Variants in EIF2AK4 observed in about 807,000 individuals in gnomAD.
EIF2AK4 encodes the protein eukaryotic translation initiation factor 2 alpha kinase 4, also known as eIF-2-alpha kinase GCN2.
In EIF2AK4, 139 loss-of-function variants were observed where a neutral mutation model predicts 211.1. The observed-to-expected ratio is 0.66, with a 90% CI of 0.57 to 0.76. The LOEUF (loss-of-function observed/expected upper bound fraction) is 0.76. Among genes scored for constraint, EIF2AK4 ranks in the 30% least tolerant of loss-of-function variants. The pLI is 0.00. For missense variants in EIF2AK4, 1,664 were observed against 2,043.8 expected (o/e 0.81, Z 3.58); for synonymous variants, 710 against 751.3 (o/e 0.94, Z 0.90).
In EIF2AK4 at chr15:39,973,759, AG is replaced by A; in HGVS notation, c.1818+11del. On this transcript the variant is annotated intron_variant, in intron 11 of 38. Transcript: ENST00000263791. ...TGGAGCTGTCATCAAGGTGTGGTACAGAGTCATTCCCAGTCCCCTTTAGAGC... is the reference window on the plus strand; with the variant it reads ...TGGAGCTGTCATCAAGGTGTGGTACAAGTCATTCCCAGTCCCCTTTAGAGC... The A allele has an allele frequency of 1.9e-6, 3 of 1,613,966 alleles. No homozygotes were observed. Among genetic ancestry groups the A allele is most frequent in the Non-Finnish European group, 2.5e-6 (3 of 1,179,884 alleles).
chr15:39,979,429 C>G (rs537821986), intron 13 of EIF2AK4, among the ~76,000 whole-genome samples: 2 of 152,244 alleles, frequency 1.3e-5, no homozygotes, highest in Non-Finnish European at 2.9e-5. Flanking sequence ...TTTACTTTGT[C>G]CAGATTAAGA....
intron 15 of EIF2AK4, 115 bp downstream of exon 15, chr15:39,988,220 A>G (rs1159724547): frequency 9.2e-7 from 1 of 1,084,340 alleles, no homozygotes; most frequent in Non-Finnish European, 1.3e-6. Flanking sequence ...AGCTATGGGT[A>G]TATTGACATA....
chr15:39,993,109 C>T (rs2034971159), intron 18 of EIF2AK4, among the ~76,000 whole-genome samples: 1 of 151,016 alleles, frequency 6.6e-6, no homozygotes, highest in Non-Finnish European at 1.5e-5. Flanking sequence ...TCCATCCACC[C>T]ACCCATCCAC....
chr15:39,973,756 TAC>T lies in EIF2AK4; in HGVS notation c.1818+9_1818+10del. On this transcript the variant is annotated splice_region_variant and intron_variant, in intron 11 of 38. Coordinates refer to ENST00000263791, the MANE Select transcript of EIF2AK4 (RefSeq NM_001013703.4). ...TTTTGGAGCTGTCATCAAGGTGTGGTACAGAGTCATTCCCAGTCCCCTTTAGA... is the reference window on the plus strand; with the variant it reads ...TTTTGGAGCTGTCATCAAGGTGTGGTAGAGTCATTCCCAGTCCCCTTTAGA... 1 of 1,614,020 alleles carries T rather than the reference TAC, an allele frequency of 6.2e-7. No homozygotes were observed.
intron 23 of EIF2AK4, among the ~76,000 whole-genome samples, chr15:40,006,083 C>G (rs906184173): frequency 2.6e-5 from 4 of 152,052 alleles, no homozygotes; most frequent in African/African-American, 9.7e-5. Flanking sequence ...AGTAAGGTGT[C>G]AAAGAATACA....
intron 22 of EIF2AK4, 146 bp from the exon 23 acceptor site, chr15:40,003,047 A>G: frequency 8.0e-7 from 1 of 1,246,234 alleles, no homozygotes; most frequent in Non-Finnish European, 1.1e-6. Context: ...CTCTCTATTT[A>G]TAAATTTAGA....
chr15:39,973,009 C>G lies in EIF2AK4; in HGVS notation c.1655C>G (p.Pro552Arg). The G allele has an allele frequency of 1.2e-6, 2 of 1,613,288 alleles. No individual in the cohort carries two copies. The highest frequency in any genetic ancestry group is 1.7e-6 in the Non-Finnish European group (2 of 1,179,272). Residue 552 changes from proline to arginine, a missense_variant, in exon 10 of 39, where the codon CCT (proline) becomes CGT (arginine). Around this residue, in one of 7 missense-constraint regions of EIF2AK4, gnomAD observed 641 missense variants for 729.6 expected, o/e 0.88. Transcript: ENST00000263791. ...QPKMPLVEQS[P>R]EDSEGQDYVE... ...AAAATGCCTCTAGTGGAACAAAGTC[C>G]TGAAGGTGAGTCTGTTACCTTTCTT...
At position 39,982,297 on chromosome 15, in the gene EIF2AK4, A is replaced by C. The variant is rs554800778; in HGVS notation, c.2320-3508A>C. On this transcript the variant is annotated intron_variant, in intron 13 of 38. Transcript: ENST00000263791. ...TCTGAACTAAGCCTACCACCAAAAA[A>C]TATGGAATTCCAGTAAAACTGAACC... Among the ~76,000 whole-genome samples the C allele has an allele frequency of 4.0e-3, 608 of 152,330 alleles. 1 individual carries two copies. The highest frequency in any genetic ancestry group is 6.0e-3 in the Non-Finnish European group (410 of 68,034).
At chr15:39,956,917 C>T (rs1044586395) in intron 6 of EIF2AK4, among the ~76,000 whole-genome samples, 7 of 152,110 alleles carry the variant, frequency 4.6e-5, no homozygotes, top group Non-Finnish European at 4.4e-5. Context: ...CCCTAATTAT[C>T]TACTACTAAA....
At chr15:39,959,929 C>A (rs1022872835) in intron 6 of EIF2AK4, among the ~76,000 whole-genome samples, 1 of 152,010 alleles carries the variant, frequency 6.6e-6, no homozygotes, top group Non-Finnish European at 1.5e-5. Context: ...TTTGGGAGGC[C>A]AAGGCGGGCA....
At chr15:40,031,547 ATC>A (rs902927979) in intron 35 of EIF2AK4, among the ~76,000 whole-genome samples, 6 of 151,840 alleles carry the variant, frequency 4.0e-5, no homozygotes, top group African/African-American at 9.7e-5. Context: ...TCATACTATC[ATC>A]TCTCTGTCTC....
intron 9 of EIF2AK4, among the ~76,000 whole-genome samples, chr15:39,971,881 G>A (rs1205929122): frequency 2.6e-5 from 4 of 152,080 alleles, no homozygotes; most frequent in African/African-American, 9.7e-5. Context: ...CTAGGTCAGG[G>A]GTATAGTAGA....
At chr15:39,960,124 A>G (rs1254539140) in intron 6 of EIF2AK4, among the ~76,000 whole-genome samples, 3 of 150,038 alleles carry the variant, frequency 2.0e-5, no homozygotes, top group Non-Finnish European at 3.0e-5. Flanking sequence ...AGATCGCGCC[A>G]CTGCACTCCA....
chr15:39,946,972 T>A (rs1290802649), intron 3 of EIF2AK4: 2 of 224,790 alleles, frequency 8.9e-6, no homozygotes, highest in African/African-American at 4.6e-5. Context: ...AACTTTTATA[T>A]GCACTGGGAA....
At chr15:39,989,405 G>A (rs763802338) in intron 15 of EIF2AK4, among the ~76,000 whole-genome samples, 2 of 152,194 alleles carry the variant, frequency 1.3e-5, no homozygotes, top group African/African-American at 2.4e-5. Flanking sequence ...AAATGATTTG[G>A]TAGAAGCAGA....
intron 3 of EIF2AK4, among the ~76,000 whole-genome samples, chr15:39,948,376 G>C (rs2034258615): frequency 6.6e-6 from 1 of 152,158 alleles, no homozygotes; most frequent in Non-Finnish European, 1.5e-5. Flanking sequence ...ACCTCTTTGG[G>C]GTTGGGTAAC....
In EIF2AK4 at chr15:39,992,377, C is replaced by CT; in HGVS notation, c.2686+155dup. On this transcript the variant is annotated intron_variant, in intron 17 of 38. Coordinates refer to ENST00000263791, the MANE Select transcript of EIF2AK4 (RefSeq NM_001013703.4). ...AACAAAATTATGGAAACGTTTTAAT[C>CT]TTTTTTTCCTTTTCAATTTATGAAT... 3 of 589,578 alleles carry CT rather than the reference C, an allele frequency of 5.1e-6. 1 individual carries two copies. The highest frequency in any genetic ancestry group is 6.5e-5 in the South Asian group (2 of 30,950). 36.5% of individuals were successfully genotyped at this position (589,578 alleles called of 1,614,324 possible).
At chr15:39,983,276 T>C (rs1370039409) in intron 13 of EIF2AK4, among the ~76,000 whole-genome samples, 1 of 152,354 alleles carries the variant, frequency 6.6e-6, no homozygotes, top group South Asian at 2.1e-4. Context: ...TGGTTTTGAT[T>C]TGCATTTCTC....
Position 40,016,682 on chromosome 15 carries a change from C to A in EIF2AK4, c.3930+10C>A. Reference sequence around the variant, plus strand: ...CGGCATCAAGTTACAGGTTTGGCAACAGTTTGATACTGGCAGTACAAATGT... The same window carrying A: ...CGGCATCAAGTTACAGGTTTGGCAAAAGTTTGATACTGGCAGTACAAATGT... On this transcript the variant is annotated intron_variant, in intron 28 of 38. Coordinates refer to ENST00000263791, the MANE Select transcript of EIF2AK4 (RefSeq NM_001013703.4). 6.2e-7 allele frequency: 1 copy of A among 1,613,418 alleles called. No homozygotes were observed.
Sources: allele counts gnomAD v4.1 joint callset (sites outside exome capture counted in the v4.1 genomes callset), GRCh38; gene constraint gnomAD v4.1.1; regional missense constraint gnomAD v4.1.1; transcripts MANE v1.5; gene names NCBI Gene and HGNC (gene_info 2026-07-23, HGNC 2026-07-21).